Variants in UBP1 observed in about 807,000 individuals in gnomAD.
UBP1 encodes upstream-binding protein 1.
Under a neutral mutation model 76.1 loss-of-function variants are expected in UBP1, and 22 were observed. The ratio of observed to expected loss-of-function variants is 0.29; its 90% confidence interval spans 0.21 to 0.41. UBP1 has a LOEUF of 0.41. Among genes scored for constraint, UBP1 ranks in the 10% least tolerant of loss-of-function variants. The pLI is 1.00. For synonymous variants in UBP1, 224 were observed against 237.1 expected (o/e 0.94, Z 0.51); for missense variants, 436 against 668.1 (o/e 0.65, Z 3.83).
chr3:33,423,004 A>G (rs956277689), intron 2 of UBP1, among the ~76,000 whole-genome samples: 1 of 151,806 alleles, frequency 6.6e-6, no homozygotes, highest in Non-Finnish European at 1.5e-5. Context: ...AAAAGGGTAC[A>G]TAAAAGTACA....
intron 2 of UBP1, among the ~76,000 whole-genome samples, chr3:33,420,661 G>C (rs1364187656): frequency 6.6e-6 from 1 of 152,106 alleles, no homozygotes; most frequent in Non-Finnish European, 1.5e-5. Flanking sequence ...GCTAATTTTT[G>C]TATTTTTAGT....
rs2045210309 is a variant in UBP1, at chr3:33,436,722, T to C, written c.113+3014A>G. On this transcript the variant is annotated intron_variant, in intron 1 of 15. Coordinates refer to ENST00000283629, the MANE Select transcript of UBP1 (RefSeq NM_014517.5). Reference sequence around the variant, plus strand: ...TCCAAAGACCCTCTTTGAGTTTTAATGAGTATTATTTTTTAAAGTCATTTG... The same window carrying C: ...TCCAAAGACCCTCTTTGAGTTTTAACGAGTATTATTTTTTAAAGTCATTTG... Among the ~76,000 whole-genome samples the C allele has an allele frequency of 2.0e-5, 3 of 152,326 alleles. No individual in the cohort carries two copies. In the South Asian group the frequency reaches 6.2e-4, roughly 32 times the overall value.
In UBP1 at chr3:33,423,805, C is replaced by T. The variant is rs546590994; in HGVS notation, c.265+1785G>A. ...CTGTGAGAACTGAATAAGGTTAACACATGTATTTAGTACAATGCTAGATGC... is the reference window on the plus strand; with the variant it reads ...CTGTGAGAACTGAATAAGGTTAACATATGTATTTAGTACAATGCTAGATGC... On this transcript the variant is annotated intron_variant, in intron 2 of 15. Transcript: ENST00000283629. Among the ~76,000 whole-genome samples the T allele has an allele frequency of 1.4e-4, 22 of 152,330 alleles. No individual in the cohort carries two copies. The South Asian group carries it at 4.4e-3, about 30-fold the overall frequency.
rs989669701 is a variant in UBP1 at position 33,439,914 on chromosome 3, C to T, written c.-66G>A. On this transcript the variant is annotated 5_prime_UTR_variant, in exon 1 of 16. Coordinates refer to ENST00000283629, the MANE Select transcript of UBP1 (RefSeq NM_014517.5). Reference sequence around the variant, plus strand: ...GTCCAGGGCGAAGGAGCCGGAGCTCCGCTGGCGCGTCCTGGGGGAGGGCGC... The same window carrying T: ...GTCCAGGGCGAAGGAGCCGGAGCTCTGCTGGCGCGTCCTGGGGGAGGGCGC... The T allele has an allele frequency of 1.9e-6, 3 of 1,576,480 alleles. No individual in the cohort carries two copies. Among genetic ancestry groups the T allele is most frequent in the Non-Finnish European group, 2.6e-6 (3 of 1,156,244 alleles).
chr3:33,416,913 T>A, intron 2 of UBP1, 79 bp from the exon 3 acceptor site: 1 of 1,195,920 alleles, frequency 8.4e-7, no homozygotes, highest in Non-Finnish European at 1.2e-6. Flanking sequence ...AATGCATGTT[T>A]CTCAGAACAT....
At chr3:33,396,653 TTC>T (rs777836476) in intron 12 of UBP1, 180 of 409,178 alleles carry the variant, frequency 4.4e-4, no homozygotes, top group Non-Finnish European at 7.4e-4. Context: ...AATTTACAGT[TTC>T]TGTCATTTTA....
intron 14 of UBP1, 43 bp downstream of exon 14, chr3:33,393,269 G>A: frequency 6.4e-7 from 1 of 1,553,630 alleles, no homozygotes; most frequent in Non-Finnish European, 8.7e-7. Context: ...ATGTATAAAA[G>A]TAAATACCAG....
chr3:33,403,496 CTAT>C (rs1476435131), intron 8 of UBP1: 5 of 88,834 alleles, frequency 5.6e-5, no homozygotes, highest in African/African-American at 1.5e-4. Context: ...CTCTATCTAT[CTAT>C]CTATCTATCT....
At chr3:33,392,645 A>C in intron 14 of UBP1, 31 bp from the exon 15 acceptor site, 1 of 1,572,686 alleles carries the variant, frequency 6.4e-7, no homozygotes, top group South Asian at 1.2e-5. Flanking sequence ...CGTAAGTACA[A>C]TTAAGATCCA....
At chr3:33,411,475 G>GTA in intron 5 of UBP1, 106 bp downstream of exon 5, 1 of 974,320 alleles carries the variant, frequency 1.0e-6, no homozygotes, top group East Asian at 2.6e-5. Context: ...CTACAACATA[G>GTA]TTTATAAATA....
intron 8 of UBP1, 84 bp from the exon 9 acceptor site, chr3:33,402,988 A>C: frequency 1.7e-6 from 2 of 1,152,772 alleles, no homozygotes; most frequent in Non-Finnish European, 2.5e-6. Context: ...CACTAACCAA[A>C]TGCAAGATTA....
Position 33,412,843 on chromosome 3 carries a change from G to A in UBP1, c.343-16C>T, listed in dbSNP as rs114868402. ...TTATGATGCTCTGTGGAATAAGTGC[G>A]GAAAATGAGTACTTTTAAACTGCTC... On this transcript the variant is annotated splice_polypyrimidine_tract_variant and intron_variant, in intron 3 of 15. Transcript: ENST00000283629. The A allele has an allele frequency of 2.6e-5, 41 of 1,555,494 alleles. No homozygotes were observed. Among genetic ancestry groups the A allele is most frequent in the African/African-American group, 1.4e-4 (10 of 73,902 alleles).
chr3:33,427,788 T>A (rs1575489509), intron 1 of UBP1, among the ~76,000 whole-genome samples: 1 of 152,308 alleles, frequency 6.6e-6, no homozygotes, highest in East Asian at 1.9e-4. Flanking sequence ...TAACCAAGGA[T>A]CACACGGTTA....
chr3:33,430,094 G>C (rs74379544), intron 1 of UBP1, among the ~76,000 whole-genome samples: 1 of 152,168 alleles, frequency 6.6e-6, no homozygotes, highest in African/African-American at 2.4e-5. Flanking sequence ...CTGAGGATAG[G>C]GGGGAAAAAA....
At chr3:33,434,289 CTTTTTTTTTTTTTT>C (rs371209882) in intron 1 of UBP1, among the ~76,000 whole-genome samples, 1 of 101,264 alleles carries the variant, frequency 9.9e-6, no homozygotes, top group South Asian at 3.4e-4. Flanking sequence ...TCAGCAAATC[CTTTTTTTTTTTTTT>C]TTTTTTTTTT....
intron 2 of UBP1, among the ~76,000 whole-genome samples, chr3:33,420,856 C>A (rs1268532059): frequency 6.6e-6 from 1 of 152,194 alleles, no homozygotes; most frequent in Non-Finnish European, 1.5e-5. Context: ...CTCCCAACCT[C>A]AGATGATCCA....
intron 11 of UBP1, among the ~76,000 whole-genome samples, chr3:33,399,461 T>G (rs980234831): frequency 6.6e-6 from 1 of 152,130 alleles, no homozygotes; most frequent in Non-Finnish European, 1.5e-5. Context: ...ACTCAGACTA[T>G]GAAACACTAC....
chr3:33,426,039 A>ATATATATATATATATATG lies in UBP1; in HGVS notation c.114-299_114-298insCATATATATATATATATA, dbSNP rs61119304. Among the ~76,000 whole-genome samples the ATATATATATATATATATG allele has an allele frequency of 2.4e-4, 20 of 82,854 alleles. 1 individual carries two copies. The highest frequency in any genetic ancestry group is 9.9e-4 in the East Asian group (1 of 1,008). 54.4% of individuals were successfully genotyped at this position (82,854 alleles called of 152,430 possible). A position where few individuals can be genotyped will look rare whatever the true frequency, so the allele number is the denominator to read the frequency against. On this transcript the variant is annotated intron_variant, in intron 1 of 15. Coordinates refer to ENST00000283629, the MANE Select transcript of UBP1 (RefSeq NM_014517.5). ...TATATATATATATATATATATATATAGCACTTTAAAAACTTCTTTTAAAAC... is the reference window on the plus strand; with the variant it reads ...TATATATATATATATATATATATATATATATATATATATATATGGCACTTTAAAAACTTCTTTTAAAAC...
At chr3:33,426,546 C>T (rs1048583572) in intron 1 of UBP1, among the ~76,000 whole-genome samples, 1 of 152,022 alleles carries the variant, frequency 6.6e-6, no homozygotes, top group African/African-American at 2.4e-5. Context: ...ATATTTTCTC[C>T]CCTCAAAAAG....
Sources: allele counts gnomAD v4.1 joint callset (sites outside exome capture counted in the v4.1 genomes callset), GRCh38; gene constraint gnomAD v4.1.1; transcripts MANE v1.5; gene names NCBI Gene and HGNC (gene_info 2026-07-23, HGNC 2026-07-21).